The following FAM83F variants were observed in gnomAD, a reference collection of about 807,000 sequenced individuals.
The protein encoded by FAM83F is scaffolding CK1 anchoring protein F, also known as protein FAM83F.
A neutral mutation model predicts 42.9 loss-of-function variants in FAM83F; 45 were observed. That is an observed-to-expected ratio of 1.05 (90% CI 0.83 to 1.35). The LOEUF is 1.35. FAM83F is among the 40% of genes most tolerant of loss of function. The probability of loss-of-function intolerance (pLI) is 0.00; values close to 1 mark genes in which losing one functional copy is unlikely to be tolerated. For missense variants in FAM83F, 617 were observed against 695.9 expected, an observed-to-expected ratio of 0.89 and a Z score of 1.28; for synonymous variants, 306 against 298.3, an observed-to-expected ratio of 1.03 and a Z score of -0.27.
Position 40,006,902 on chromosome 22 carries a change from G to A in FAM83F, c.489+11371G>A, listed in dbSNP as rs1223514940. On this transcript the variant is annotated intron_variant, in intron 1 of 4. Coordinates refer to ENST00000333407, the MANE Select transcript of FAM83F (RefSeq NM_138435.4). ...ACCCTGAGCACCTCCTGTGTGTCAG[G>A]CCCTGTCCCAGAGGAAGGGCAGAGC... 3.3e-5 allele frequency among the ~76,000 whole-genome samples: 5 copies of A among 152,286 alleles called. No homozygotes were observed. The South Asian group carries it at 6.2e-4, about 19-fold the overall frequency.
chr22:40,026,210 C>T lies in FAM83F; in HGVS notation c.1454-3306C>T, dbSNP rs147898015. On this transcript the variant is annotated intron_variant, in intron 4 of 4. Coordinates refer to ENST00000333407, the MANE Select transcript of FAM83F (RefSeq NM_138435.4). ...ATCTCCAGAAGGCTAGGATCGGCAC[C>T]GTTTCCCTGCACCTTTAAAGACTGT... Among the ~76,000 whole-genome samples the T allele has an allele frequency of 2.0e-3, 310 of 152,234 alleles. 1 individual carries two copies. The Middle Eastern group carries it at 0.02, about 10-fold the overall frequency.
chr22:40,014,968 C>G (rs1387535855), intron 1 of FAM83F, among the ~76,000 whole-genome samples: 1 of 152,134 alleles, frequency 6.6e-6, no homozygotes, highest in Admixed American at 6.5e-5. Context: ...TTACCTAAAG[C>G]ACAGGAAACA....
Position 40,039,525 on chromosome 22 carries a change from T to C in FAM83F, c.*9960T>C, listed in dbSNP as rs2067642297. The C allele has an allele frequency of 6.6e-6, 1 of 152,236 alleles. No homozygotes were observed. The highest frequency in any genetic ancestry group is 1.5e-5 in the Non-Finnish European group (1 of 68,046). The allele number at this position is 152,236 out of a possible 1,614,324, so 9.4% of individuals were successfully genotyped here. On this transcript the variant is annotated 3_prime_UTR_variant, in exon 5 of 5. Coordinates refer to ENST00000333407, the MANE Select transcript of FAM83F (RefSeq NM_138435.4). The stretch of plus-strand genomic sequence containing the variant: ...CTGAAGCTTAGATAGTTTGTGTGAC[T>C]TGCAAAAAGTCACGCAGCAAACAAG...
intron 1 of FAM83F, among the ~76,000 whole-genome samples, chr22:40,011,105 A>C (rs2067460921): frequency 6.6e-6 from 1 of 152,224 alleles, no homozygotes; most frequent in African/African-American, 2.4e-5. Context: ...TTCCACAGGC[A>C]GCCACCCTTA....
chr22:40,029,793 C>T lies in FAM83F; in HGVS notation c.*228C>T, dbSNP rs1255912337. ...GTCGGTGGCTGGGCAGGGGTCAGTG[C>T]CACGGCCTCCTTGTTTACATGAAGT... On this transcript the variant is annotated 3_prime_UTR_variant, in exon 5 of 5. Transcript: ENST00000333407. 1.8e-5 allele frequency: 10 copies of T among 555,722 alleles called. No homozygotes were observed. The highest frequency in any genetic ancestry group is 4.8e-4 in the Middle Eastern group (1 of 2,062). The allele number at this position is 555,722 out of a possible 1,614,324, so 34.4% of individuals were successfully genotyped here. A position where few individuals can be genotyped will look rare whatever the true frequency, so the allele number is the denominator to read the frequency against.
rs763776467 is a variant in FAM83F, at chr22:39,995,318, G to A, written c.276G>A (p.Lys92=). Residue 92 remains lysine (K), a synonymous_variant, in exon 1 of 5, where the codon AAG becomes AAA. Transcript: ENST00000333407. This position sits in a 1 kb window ranked among gnomAD's most constrained non-coding sequence, Gnocchi z 4.6. ...NARGKSKAKA[K]APAPAPAESG... ...GGGGCAAGAGCAAGGCCAAGGCCAA[G>A]GCCCCCGCGCCGGCGCCGGCTGAGT... 1.3e-6 allele frequency: 2 copies of A among 1,538,418 alleles called. No individual in the cohort carries two copies. Among genetic ancestry groups the A allele is most frequent in the South Asian group, 2.4e-5 (2 of 83,966 alleles).
At chr22:40,019,577 G>A (rs1169154260) in intron 2 of FAM83F, among the ~76,000 whole-genome samples, 1 of 152,214 alleles carries the variant, frequency 6.6e-6, no homozygotes, top group East Asian at 1.9e-4. Flanking sequence ...GGAGCTCTGG[G>A]CTGGTCCTGG....
intron 1 of FAM83F, among the ~76,000 whole-genome samples, chr22:40,003,192 C>T (rs1042211671): frequency 6.6e-6 from 1 of 152,188 alleles, no homozygotes; most frequent in Admixed American, 6.5e-5. Context: ...TTCCTCCTGC[C>T]TAGTGACATT....
intron 1 of FAM83F, among the ~76,000 whole-genome samples, chr22:40,014,978 A>AGT (rs2145716703): frequency 6.6e-6 from 1 of 152,362 alleles, no homozygotes; most frequent in East Asian, 1.9e-4. Context: ...CACAGGAAAC[A>AGT]GCCTAGAGTG....
rs781050848 is a variant in FAM83F, at chr22:40,032,392, C to T, written c.*2827C>T. Reference sequence around the variant, plus strand: ...GGGATTTGGCAAAACTTCCCATCTCCTTAGCTACCTGTCCTTAATCTTATC... The same window carrying T: ...GGGATTTGGCAAAACTTCCCATCTCTTTAGCTACCTGTCCTTAATCTTATC... On this transcript the variant is annotated 3_prime_UTR_variant, in exon 5 of 5. Transcript: ENST00000333407. 5.3e-5 allele frequency: 8 copies of T among 152,204 alleles called. No individual in the cohort carries two copies. The highest frequency in any genetic ancestry group is 8.8e-5 in the Non-Finnish European group (6 of 68,060). 9.4% of individuals were successfully genotyped at this position (152,204 alleles called of 1,614,324 possible). A position where few individuals can be genotyped will look rare whatever the true frequency, so the allele number is the denominator to read the frequency against.
At chr22:40,003,733 C>A (rs2067413329) in intron 1 of FAM83F, among the ~76,000 whole-genome samples, 1 of 152,098 alleles carries the variant, frequency 6.6e-6, no homozygotes, top group Non-Finnish European at 1.5e-5. Context: ...ATAATCTTAG[C>A]CCTGGAAGAG....
intron 1 of FAM83F, among the ~76,000 whole-genome samples, chr22:40,007,100 A>G (rs372078306): frequency 6.6e-6 from 1 of 152,008 alleles, no homozygotes. Context: ...TCCCCACTGC[A>G]GTACACTTCC....
At chr22:40,003,373 A>G (rs947191157) in intron 1 of FAM83F, among the ~76,000 whole-genome samples, 15 of 150,614 alleles carry the variant, frequency 1.0e-4, no homozygotes, top group African/African-American at 3.7e-4. Context: ...TCTCACCCCC[A>G]GGGATGCTGC....
chr22:40,028,192 G>A (rs2067565468), intron 4 of FAM83F, among the ~76,000 whole-genome samples: 1 of 152,214 alleles, frequency 6.6e-6, no homozygotes, highest in Non-Finnish European at 1.5e-5. Flanking sequence ...CTTAATGAGG[G>A]TGCAGCTGGA....
At position 40,021,271 on chromosome 22, in the gene FAM83F, T is replaced by G; in HGVS notation, c.780-19T>G. ...GGCCTGGGCACATGTGTCTTGCTTTTCTGTCCCCACGTTCCCAGGTTCACC... is the reference window on the plus strand; with the variant it reads ...GGCCTGGGCACATGTGTCTTGCTTTGCTGTCCCCACGTTCCCAGGTTCACC... On this transcript the variant is annotated intron_variant, in intron 3 of 4. Transcript: ENST00000333407. This position sits in a 1 kb window ranked among gnomAD's most constrained non-coding sequence, Gnocchi z 8.7. 1 of 1,523,740 alleles carries G rather than the reference T, an allele frequency of 6.6e-7. No individual in the cohort carries two copies. The highest frequency in any genetic ancestry group is 8.8e-7 in the Non-Finnish European group (1 of 1,131,716). The allele number at this position is 1,523,740 out of a possible 1,614,324, so 94.4% of individuals were successfully genotyped here.
In FAM83F at chr22:40,041,475, A is replaced by G. The variant is rs1467304072; in HGVS notation, c.*11910A>G. On this transcript the variant is annotated 3_prime_UTR_variant, in exon 5 of 5. Transcript: ENST00000333407. ...CAGGGCAGACGCCCTCACCCCAATCATTGGCTTAACATTCACACCAGGCTG... is the reference window on the plus strand; with the variant it reads ...CAGGGCAGACGCCCTCACCCCAATCGTTGGCTTAACATTCACACCAGGCTG... 1 of 152,154 alleles carries G rather than the reference A, an allele frequency of 6.6e-6. No homozygotes were observed. Among genetic ancestry groups the G allele is most frequent in the Non-Finnish European group, 1.5e-5 (1 of 68,040 alleles). 9.4% of individuals were successfully genotyped at this position (152,154 alleles called of 1,614,324 possible). A position where few individuals can be genotyped will look rare whatever the true frequency, so the allele number is the denominator to read the frequency against.
chr22:40,002,284 A>G (rs2067406574), intron 1 of FAM83F, among the ~76,000 whole-genome samples: 1 of 152,334 alleles, frequency 6.6e-6, no homozygotes, highest in Admixed American at 6.5e-5. Context: ...CTGGAGAACT[A>G]AAGCTTTCAT....
At position 40,035,475 on chromosome 22, in the gene FAM83F, A is replaced by G. The variant is rs942467339; in HGVS notation, c.*5910A>G. 6.6e-6 allele frequency: 1 copy of G among 152,212 alleles called. No individual in the cohort carries two copies. Among genetic ancestry groups the G allele is most frequent in the Admixed American group, 6.5e-5 (1 of 15,286 alleles). 9.4% of individuals were successfully genotyped at this position (152,212 alleles called of 1,614,324 possible). On this transcript the variant is annotated 3_prime_UTR_variant, in exon 5 of 5. Transcript: ENST00000333407. ...AGTGTCTTGGAAGTTAGGCGACTGCACAGGGAAAGGTTCGCTGCAGTGCTT... is the reference window on the plus strand; with the variant it reads ...AGTGTCTTGGAAGTTAGGCGACTGCGCAGGGAAAGGTTCGCTGCAGTGCTT...
At chr22:40,012,925 A>G (rs2067474180) in intron 1 of FAM83F, among the ~76,000 whole-genome samples, 1 of 150,232 alleles carries the variant, frequency 6.7e-6, no homozygotes, top group African/African-American at 2.5e-5. Flanking sequence ...TACAAAAAAA[A>G]AAAAAAAATT....
Sources: allele counts gnomAD v4.1 joint callset (sites outside exome capture counted in the v4.1 genomes callset), GRCh38; gene constraint gnomAD v4.1.1; non-coding constraint Gnocchi (gnomAD v3.1); transcripts MANE v1.5; gene names NCBI Gene and HGNC (gene_info 2026-07-23, HGNC 2026-07-21).